Variants in ATAD3C observed in about 807,000 individuals in gnomAD.
ATAD3C encodes the protein ATPase family AAA domain containing 3C, also known as ATPase family AAA domain-containing protein 3C.
A neutral mutation model predicts 46.3 loss-of-function variants in ATAD3C; 38 were observed. That is an observed-to-expected ratio of 0.82 (90% CI 0.63 to 1.08). ATAD3C has a LOEUF of 1.08. Ranked by LOEUF, ATAD3C falls within the 50% of genes least tolerant of loss-of-function variation. The probability of loss-of-function intolerance (pLI) is 0.00; values close to 1 mark genes in which losing one functional copy is unlikely to be tolerated. For missense variants in ATAD3C, 563 were observed against 572.7 expected (o/e 0.98, Z 0.17); for synonymous variants, 220 against 236.4 (o/e 0.93, Z 0.63).
rs747621675 is a variant in ATAD3C, at chr1:1,455,947, G to A, written c.564+31G>A. 34 of 1,611,380 alleles carry A rather than the reference G, an allele frequency of 2.1e-5. No homozygotes were observed. In the South Asian group the frequency reaches 3.7e-4, roughly 18 times the overall value. ...AGTGCCTAGCTGAACAGGTGGGCCA[G>A]GGGCCGCTGGGGTCTCACCTGCCTG... On this transcript the variant is annotated intron_variant, in intron 6 of 11. Transcript: ENST00000378785.
chr1:1,455,696 G>A lies in ATAD3C; in HGVS notation c.439-95G>A, dbSNP rs555548053. On this transcript the variant is annotated intron_variant, in intron 5 of 11. Transcript: ENST00000378785. ...CCCACGAGCTGGGTGGCTCCCCGGA[G>A]AGCGGAGTCCACACCCAGGCATTCT... is the stretch of plus-strand genomic sequence containing the variant. 5.2e-4 allele frequency: 824 copies of A among 1,574,588 alleles called. 4 individuals are homozygous for A. The African/African-American group carries it at 9.4e-3, about 18-fold the overall frequency.
intron 4 of ATAD3C, among the ~76,000 whole-genome samples, chr1:1,455,085 C>T (rs1028527638): frequency 5.3e-5 from 8 of 151,362 alleles, no homozygotes; most frequent in African/African-American, 1.7e-4. Context: ...GGCGTGGTGG[C>T]GGGCGCCTGT....
At position 1,468,730 on chromosome 1, in the gene ATAD3C, G is replaced by A; in HGVS notation, c.*200G>A. The A allele has an allele frequency of 1.0e-6, 1 of 953,292 alleles. No individual in the cohort carries two copies. The highest frequency in any genetic ancestry group is 1.6e-6 in the Non-Finnish European group (1 of 643,824). The allele number at this position is 953,292 out of a possible 1,614,324, so 59.1% of individuals were successfully genotyped here. On this transcript the variant is annotated 3_prime_UTR_variant, in exon 12 of 12. Coordinates refer to ENST00000378785, the MANE Select transcript of ATAD3C (RefSeq NM_001039211.3). The stretch of plus-strand genomic sequence containing the variant: ...GTCAAAGGTGACAGAAAAGGCAGAA[G>A]CTGGGGCTTTCTGGAGGATTTAACC...
chr1:1,450,980 G>A (rs190898472), intron 1 of ATAD3C, among the ~76,000 whole-genome samples: 2 of 152,012 alleles, frequency 1.3e-5, no homozygotes, highest in African/African-American at 2.4e-5. Context: ...TGGTGAGGGC[G>A]TCTGGTCGTC....
chr1:1,454,130 G>A (rs1196759884), intron 3 of ATAD3C, among the ~76,000 whole-genome samples: 1 of 152,056 alleles, frequency 6.6e-6, no homozygotes, highest in African/African-American at 2.4e-5. Context: ...CAGAGAAAAT[G>A]GCCCTGAGTG....
intron 7 of ATAD3C, 118 bp downstream of exon 7, chr1:1,456,467 G>C: frequency 1.5e-6 from 1 of 671,782 alleles, no homozygotes; most frequent in Non-Finnish European, 2.1e-6. Context: ...TGTCCTTGTG[G>C]CCACGCAGGA....
rs182547232 is a variant in ATAD3C at position 1,454,394 on chromosome 1, C to A, written c.272C>A (p.Ala91Glu). Residue 91 changes from alanine to glutamate, a missense_variant, in exon 4 of 12, where the codon GCG becomes GAG. By Grantham distance (107) the Ala-to-Glu change is moderately radical. Transcript: ENST00000378785. ...LAVGVYSAKN[A>E]TAVTGRYIEA... ...GTCGGGGTCTACTCAGCCAAGAATG[C>A]GACAGCCGTCACTGGCCGCTACATC... 7.9e-5 allele frequency: 127 copies of A among 1,602,894 alleles called. 2 individuals carry two copies. Among genetic ancestry groups the A allele is most frequent in the Non-Finnish European group, 1.0e-4 (118 of 1,176,628 alleles).
Position 1,460,873 on chromosome 1 carries a change from G to A in ATAD3C, c.936G>A (p.Met312Ile), listed in dbSNP as rs112963260. The change falls in exon 10 of 12, where the codon ATG becomes ATA. Residue 312 changes from methionine (M) to isoleucine (I), a missense_variant. Around this residue, in one of 3 missense-constraint regions of ATAD3C, gnomAD observed 273 missense variants for 253.5 expected, o/e 1.08. Coordinates refer to ENST00000378785, the MANE Select transcript of ATAD3C (RefSeq NM_001039211.3). ...GQEERARLVR[M>I]YLNEYVLKPA... ...AGGAGCGGGCGCGCCTGGTGAGAAT[G>A]TATCTTAACGAGTATGTTCTTAAGC... 50 of 1,612,826 alleles carry A rather than the reference G, an allele frequency of 3.1e-5. No homozygotes were observed. The highest frequency in any genetic ancestry group is 3.1e-4 in the African/African-American group (23 of 74,972).
intron 1 of ATAD3C, among the ~76,000 whole-genome samples, chr1:1,451,187 C>A (rs1273935480): frequency 6.6e-6 from 1 of 151,342 alleles, no homozygotes; most frequent in Admixed American, 6.6e-5. Context: ...ACTACAGGCA[C>A]CTGCCACCAC....
intron 3 of ATAD3C, among the ~76,000 whole-genome samples, chr1:1,454,054 T>C (rs1638907972): frequency 1.3e-5 from 2 of 152,230 alleles, no homozygotes; most frequent in Middle Eastern, 3.4e-3. Flanking sequence ...CTGTGACATA[T>C]CCAGCTGGGT....
At chr1:1,460,993 C>A in intron 10 of ATAD3C, 76 bp downstream of exon 10, 1 of 1,477,868 alleles carries the variant, frequency 6.8e-7, no homozygotes, top group Non-Finnish European at 9.0e-7. Flanking sequence ...TCTCCGGACA[C>A]ACCCAGCAGG....
chr1:1,457,529 A>G (rs1037588805), intron 8 of ATAD3C, among the ~76,000 whole-genome samples: 30 of 143,974 alleles, frequency 2.1e-4, no homozygotes, highest in African/African-American at 6.4e-4. Flanking sequence ...CCGGGAGGCG[A>G]AGCTTGCAGT....
At position 1,452,085 on chromosome 1, in the gene ATAD3C, G is replaced by A. The variant is rs372727489; in HGVS notation, c.115G>A (p.Val39Met). Reference sequence around the variant, plus strand: ...GGATTTACGGAAGCAGGAGGAGTCCGTGCAGAAGCACCATCAGACCTTCTT... The same window carrying A: ...GGATTTACGGAAGCAGGAGGAGTCCATGCAGAAGCACCATCAGACCTTCTT... The part of the protein sequence containing the change: ...NEDLRKQEES[V>M]QKHHQTFLES... Residue 39 changes from valine to methionine, a missense_variant, in exon 2 of 12, where the codon GTG (valine) becomes ATG (methionine). Physicochemically the swap from Val to Met is conservative, Grantham distance 21. Around this residue, in one of 3 missense-constraint regions of ATAD3C, gnomAD observed 263 missense variants for 243.1 expected, o/e 1.08. Transcript: ENST00000378785. The A allele has an allele frequency of 6.1e-5, 99 of 1,613,550 alleles. 4 individuals are homozygous for A. The highest frequency in any genetic ancestry group is 2.5e-4 in the African/African-American group (19 of 74,928).
chr1:1,451,104 G>A (rs371770412), intron 1 of ATAD3C, among the ~76,000 whole-genome samples: 128 of 151,280 alleles, frequency 8.5e-4, no homozygotes, highest in African/African-American at 2.9e-3. Flanking sequence ...GCAGTGGTGC[G>A]ACCTTGGCTC....
At position 1,462,114 on chromosome 1, in the gene ATAD3C, T is replaced by A. The variant is rs966398665; in HGVS notation, c.981-486T>A. Among the ~76,000 whole-genome samples, 54 of 152,046 alleles carry A rather than the reference T, an allele frequency of 3.6e-4. No individual in the cohort carries two copies. Among genetic ancestry groups the A allele is most frequent in the African/African-American group, 1.3e-3 (52 of 41,416 alleles). On this transcript the variant is annotated intron_variant, in intron 10 of 11. Transcript: ENST00000378785. The surrounding 1 kb of genome is among the most constrained non-coding windows in gnomAD (Gnocchi z 4.5). ...TCGCCAGTGACGACAAAAGCTGCTC[T>A]GTTCCAAAGAGAGCCTGGTTCTCCC...
rs559175324 is a variant in ATAD3C at position 1,468,810 on chromosome 1, G to T, written c.*280G>T. On this transcript the variant is annotated 3_prime_UTR_variant, in exon 12 of 12. Transcript: ENST00000378785. Reference sequence around the variant, plus strand: ...TGCCACGGCGGGGCCGGGTGCCCGTGCCCCATCCTGAGGCCGTGCATACGC... The same window carrying T: ...TGCCACGGCGGGGCCGGGTGCCCGTTCCCCATCCTGAGGCCGTGCATACGC... 1.8e-5 allele frequency: 9 copies of T among 496,986 alleles called. No homozygotes were observed. The highest frequency in any genetic ancestry group is 7.9e-5 in the Admixed American group (2 of 25,438). 30.8% of individuals were successfully genotyped at this position (496,986 alleles called of 1,614,324 possible).
In ATAD3C at chr1:1,455,488, C is replaced by T. The variant is rs771108549; in HGVS notation, c.407C>T (p.Pro136Leu). The T allele has an allele frequency of 6.2e-6, 10 of 1,612,602 alleles. No individual in the cohort carries two copies. The East Asian group carries it at 1.8e-4, about 29-fold the overall frequency. The change falls in exon 5 of 12, where the codon CCC becomes CTC. Residue 136 changes from proline to leucine, a missense_variant. Around this residue, in one of 3 missense-constraint regions of ATAD3C, gnomAD observed 263 missense variants for 243.1 expected, o/e 1.08. Transcript: ENST00000378785. Reference sequence around the variant, plus strand: ...GTCAGCCGGCGGCTCCTCAGTCGACCCCAGGACGTGCTGGAGGGTGTTGTG... The same window carrying T: ...GTCAGCCGGCGGCTCCTCAGTCGACTCCAGGACGTGCTGGAGGGTGTTGTG... ...QQVSRRLLSRPQDVLEGVVLS... is the reference protein window; with the variant it reads ...QQVSRRLLSRLQDVLEGVVLS...
chr1:1,468,478 G>C lies in ATAD3C; in HGVS notation c.1184G>C (p.Arg395Pro), dbSNP rs376595246. The C allele has an allele frequency of 2.2e-5, 35 of 1,612,186 alleles. 1 individual carries two copies. In the South Asian group the frequency reaches 2.6e-4, roughly 12 times the overall value. Residue 395 changes from arginine (R) to proline (P), a missense_variant, in exon 12 of 12, where the codon CGC (arginine) becomes CCC (proline). Physicochemically the swap from Arg to Pro is moderately radical, Grantham distance 103. Transcript: ENST00000378785. ...DFVQQHQQMM[R>P]WLKGERPGPE... ...GTCCAGCAGCACCAGCAGATGATGC[G>C]CTGGCTGAAGGGGGAGAGGCCTGGG...
chr1:1,458,967 T>C (rs1751470), intron 8 of ATAD3C, among the ~76,000 whole-genome samples, 194 bp from the exon 9 acceptor site: 22,482 of 151,686 alleles, frequency 0.15, 4,030 homozygotes, highest in East Asian at 0.47. Flanking sequence ...GTGATCTGCC[T>C]GCCTCAGCCT....
Sources: allele counts gnomAD v4.1 joint callset (sites outside exome capture counted in the v4.1 genomes callset), GRCh38; gene constraint gnomAD v4.1.1; regional missense constraint gnomAD v4.1.1; non-coding constraint Gnocchi (gnomAD v3.1); transcripts MANE v1.5; gene names NCBI Gene and HGNC (gene_info 2026-07-23, HGNC 2026-07-21).